Variants in WWOX observed in about 807,000 individuals in gnomAD.
The protein encoded by WWOX is WW domain containing oxidoreductase.
A neutral mutation model predicts 46.2 loss-of-function variants in WWOX; 69 were observed. The ratio of observed to expected loss-of-function variants is 1.49; its 90% CI spans 1.23 to 1.82. WWOX has a LOEUF of 1.82. WWOX is among the 40% of genes most tolerant of loss of function. The pLI, the probability that WWOX is intolerant of heterozygous loss-of-function variation, is 0.00. For synonymous variants in WWOX, 359 were observed against 202.6 expected (o/e 1.77, Z -6.56); for missense variants, 919 against 542.6 (o/e 1.69, Z -6.89).
At chr16:78,296,539 C>T (rs550009229) in intron 5 of WWOX, among the ~76,000 whole-genome samples, 14 of 150,704 alleles carry the variant, frequency 9.3e-5, no homozygotes, top group African/African-American at 2.9e-4. Context: ...TTTTCATTTT[C>T]TAAAATTACA....
chr16:78,292,630 A>G (rs1014740957), intron 5 of WWOX, among the ~76,000 whole-genome samples: 6 of 151,980 alleles, frequency 3.9e-5, no homozygotes, highest in South Asian at 2.1e-4. Context: ...TTTTTTTTAA[A>G]AAAAAGGAAG....
chr16:78,489,356 T>G (rs2084720408), intron 8 of WWOX, among the ~76,000 whole-genome samples: 1 of 152,142 alleles, frequency 6.6e-6, no homozygotes, highest in Non-Finnish European at 1.5e-5. Context: ...AGGATTTTTT[T>G]CCTCTCTTTA....
intron 4 of WWOX, among the ~76,000 whole-genome samples, chr16:78,144,813 G>A (rs1356161622): frequency 4.0e-5 from 6 of 151,818 alleles, no homozygotes; most frequent in Admixed American, 2.6e-4. Flanking sequence ...GAGCCACCGT[G>A]CCTGGCCTGC....
At chr16:78,816,258 T>A (rs1360751764) in intron 8 of WWOX, among the ~76,000 whole-genome samples, 6 of 152,182 alleles carry the variant, frequency 3.9e-5, no homozygotes, top group Non-Finnish European at 8.8e-5. Context: ...AGGGCACCCT[T>A]TTCTTTTCTA....
chr16:79,063,723 C>G (rs1167718929), intron 8 of WWOX, among the ~76,000 whole-genome samples: 2 of 152,252 alleles, frequency 1.3e-5, no homozygotes, highest in South Asian at 4.1e-4. Context: ...ATCCACAGGT[C>G]TTCAAGAACC....
chr16:78,359,375 A>G (rs756761044), intron 5 of WWOX, among the ~76,000 whole-genome samples: 3 of 152,202 alleles, frequency 2.0e-5, no homozygotes, highest in African/African-American at 4.8e-5. Context: ...ATACAAATTA[A>G]GTTTTTTTCT....
intron 8 of WWOX, among the ~76,000 whole-genome samples, chr16:79,024,090 G>A (rs943903137): frequency 9.2e-5 from 14 of 152,222 alleles, no homozygotes; most frequent in African/African-American, 3.1e-4. Flanking sequence ...GTGATTGCAG[G>A]GGGCTGGGAA....
At chr16:78,917,894 A>G (rs76281392) in intron 8 of WWOX, among the ~76,000 whole-genome samples, 4,604 of 152,244 alleles carry the variant, frequency 0.03, 230 homozygotes, top group African/African-American at 0.1. Context: ...TTTAAAACAA[A>G]AAAAAGTTTA....
intron 5 of WWOX, among the ~76,000 whole-genome samples, chr16:78,206,577 C>T (rs181321604): frequency 6.6e-6 from 1 of 152,068 alleles, no homozygotes; most frequent in Non-Finnish European, 1.5e-5. Context: ...GTGTTTCCAT[C>T]AAAAATTTAG....
At chr16:78,319,819 T>C (rs1321491948) in intron 5 of WWOX, among the ~76,000 whole-genome samples, 1 of 152,164 alleles carries the variant, frequency 6.6e-6, no homozygotes, top group African/African-American at 2.4e-5. Context: ...AGCCTTTCTT[T>C]CAGCCTGTGA....
At chr16:78,846,598 A>G (rs1304576421) in intron 8 of WWOX, among the ~76,000 whole-genome samples, 1 of 152,060 alleles carries the variant, frequency 6.6e-6, no homozygotes, top group African/African-American at 2.4e-5. Flanking sequence ...AAGTCAGAGG[A>G]TGTGTAATGT....
intron 8 of WWOX, among the ~76,000 whole-genome samples, chr16:78,884,339 C>G (rs2044408228): frequency 6.9e-6 from 1 of 144,566 alleles, no homozygotes; most frequent in Non-Finnish European, 1.5e-5. Context: ...TGTGCTCATA[C>G]ATTTGCCAAA....
At chr16:78,402,384 GAT>G (rs1219272783) in intron 6 of WWOX, among the ~76,000 whole-genome samples, 1 of 152,138 alleles carries the variant, frequency 6.6e-6, no homozygotes, top group Admixed American at 6.5e-5. Context: ...TTGTCAGTCG[GAT>G]ATTTCTGTTG....
chr16:78,195,457 A>G (rs1314623116), intron 5 of WWOX, among the ~76,000 whole-genome samples: 1 of 152,030 alleles, frequency 6.6e-6, no homozygotes, highest in African/African-American at 2.4e-5. Flanking sequence ...GTTGGTCCTG[A>G]CACCATGGCC....
intron 5 of WWOX, among the ~76,000 whole-genome samples, chr16:78,337,133 C>G (rs2080910394): frequency 6.6e-6 from 1 of 152,104 alleles, no homozygotes; most frequent in Non-Finnish European, 1.5e-5. Flanking sequence ...TTTAAACACT[C>G]TGCAGTTCAA....
In WWOX at chr16:78,422,838, TACATATACACACAC is replaced by T. The variant is rs1597212227; in HGVS notation, c.606-2028_606-2015del. On this transcript the variant is annotated intron_variant, in intron 6 of 8. Transcript: ENST00000566780. ...ATATATACACACACATATATATATA[TACATATACACACAC>T]ACACACACACACACACACACACACA... Among the ~76,000 whole-genome samples, 63 of 96,464 alleles carry T rather than the reference TACATATACACACAC, an allele frequency of 6.5e-4. 1 individual carries two copies. In the South Asian group the frequency reaches 0.013, roughly 20 times the overall value. 63.3% of individuals were successfully genotyped at this position (96,464 alleles called of 152,430 possible). A position where few individuals can be genotyped will look rare whatever the true frequency, so the allele number is the denominator to read the frequency against.
chr16:78,395,435 C>G (rs1397357035), intron 6 of WWOX, among the ~76,000 whole-genome samples: 4 of 152,164 alleles, frequency 2.6e-5, no homozygotes, highest in Non-Finnish European at 5.9e-5. Flanking sequence ...GTAAGGATCA[C>G]TTGAGCCAGC....
intron 8 of WWOX, among the ~76,000 whole-genome samples, chr16:78,870,372 C>G (rs1160988832): frequency 6.6e-6 from 1 of 152,126 alleles, no homozygotes; most frequent in East Asian, 1.9e-4. Flanking sequence ...TAAAGGACAT[C>G]TCCCCTGACC....
intron 8 of WWOX, among the ~76,000 whole-genome samples, chr16:78,708,394 G>A (rs188515932): frequency 2.6e-5 from 4 of 152,254 alleles, no homozygotes; most frequent in Admixed American, 2.6e-4. Context: ...GCTAGACGTA[G>A]CACCTACCTG....
Sources: allele counts gnomAD v4.1 joint callset (sites outside exome capture counted in the v4.1 genomes callset), GRCh38; gene constraint gnomAD v4.1.1; transcripts MANE v1.5; gene names NCBI Gene and HGNC (gene_info 2026-07-23, HGNC 2026-07-21).